ADH1C: variants seen among roughly 807,000 people sequenced by gnomAD.
ADH1C encodes alcohol dehydrogenase 1C (class I), gamma polypeptide.
ADH1C carries 26 observed loss-of-function variants against 35.0 expected under a neutral mutation model. The ratio of observed to expected loss-of-function variants is 0.74; its 90% CI spans 0.54 to 1.03. ADH1C has a LOEUF of 1.03. ADH1C is among the 50% of genes least tolerant of loss of function. ADH1C has a pLI of 0.00. For missense variants in ADH1C, 413 were observed against 465.4 expected (o/e 0.89, Z 1.04); for synonymous variants, 170 against 169.3 (o/e 1.00, Z -0.03).
intron 7 of ADH1C, among the ~76,000 whole-genome samples, chr4:99,340,094 T>A (rs988837780): frequency 6.6e-6 from 1 of 152,154 alleles, no homozygotes; most frequent in South Asian, 2.1e-4. Flanking sequence ...GAGATGAAAG[T>A]CCTGGTTAAT....
intron 1 of ADH1C, among the ~76,000 whole-genome samples, chr4:99,349,806 TG>T (rs34782639): frequency 3.7e-5 from 2 of 53,882 alleles, no homozygotes; most frequent in East Asian, 4.7e-4. Flanking sequence ...TGTGTGTTTC[TG>T]TGTGTGTGTG....
At position 99,342,759 on chromosome 4, in the gene ADH1C, A is replaced by G. The variant is rs754429169; in HGVS notation, c.828+36T>C. On this transcript the variant is annotated intron_variant, in intron 6 of 8. Coordinates refer to ENST00000515683, the MANE Select transcript of ADH1C (RefSeq NM_000669.5). ...TGCCTAAATGCATCCTCCAGGTTGC[A>G]GAGGCAGAAATTTCAGGGCATGTCA... 5 of 1,613,430 alleles carry G rather than the reference A, an allele frequency of 3.1e-6. No individual in the cohort carries two copies. In the African/African-American group the frequency reaches 4.0e-5, roughly 13 times the overall value.
At chr4:99,343,170 A>G (rs1051722654) in intron 5 of ADH1C, 115 bp from the exon 6 acceptor site, 7 of 1,432,196 alleles carry the variant, frequency 4.9e-6, no homozygotes, top group Non-Finnish European at 6.6e-6. Flanking sequence ...TCTTCTGTCC[A>G]ATCTGTTATC....
chr4:99,351,227 T>C (rs1734671390), intron 1 of ADH1C: 1 of 149,026 alleles, frequency 6.7e-6, no homozygotes. Flanking sequence ...GCAACAATAA[T>C]AACAGTGGCT....
intron 1 of ADH1C, among the ~76,000 whole-genome samples, 152 bp from the exon 2 acceptor site, chr4:99,347,998 A>G (rs1456762129): frequency 6.6e-6 from 1 of 152,220 alleles, no homozygotes; most frequent in Non-Finnish European, 1.5e-5. Flanking sequence ...TTATAAAGAG[A>G]ATAAGAGTAT....
chr4:99,336,849 G>A (rs950347877), intron 8 of ADH1C, 73 bp from the exon 9 acceptor site: 44 of 1,595,818 alleles, frequency 2.8e-5, no homozygotes, highest in Non-Finnish European at 3.6e-5. Context: ...AGTCCAAGGA[G>A]TATTTGAGGT....
chr4:99,352,437 A>G (rs36052336), intron 1 of ADH1C, among the ~76,000 whole-genome samples: 5,594 of 152,254 alleles, frequency 0.037, 150 homozygotes, highest in Non-Finnish European at 0.058. Context: ...ATTTAGGAAT[A>G]GCTTATTTCC....
rs1277464526 is a variant in ADH1C at position 99,340,721 on chromosome 4, G to A, written c.829-11C>T. ...TAACAGGGAAGCCATCTGGAATAAA[G>A]TGAACATTTAGTATCCTTAACGTGG... is the stretch of plus-strand genomic sequence containing the variant. On this transcript the variant is annotated splice_polypyrimidine_tract_variant and intron_variant, in intron 6 of 8. Coordinates refer to ENST00000515683, the MANE Select transcript of ADH1C (RefSeq NM_000669.5). 1 of 1,612,220 alleles carries A rather than the reference G, an allele frequency of 6.2e-7. No homozygotes were observed. The highest frequency in any genetic ancestry group is 1.7e-5 in the Admixed American group (1 of 59,996).
intron 5 of ADH1C, 49 bp downstream of exon 5, chr4:99,344,813 T>C (rs749020288): frequency 1.9e-6 from 3 of 1,610,174 alleles, no homozygotes; most frequent in Non-Finnish European, 2.5e-6. Context: ...CCCTTTTGGT[T>C]CCTGACAGTC....
rs182066673 is a variant in ADH1C, at chr4:99,336,562, C to T, written c.*190G>A. 1.5e-5 allele frequency: 11 copies of T among 729,540 alleles called. No individual in the cohort carries two copies. The highest frequency in any genetic ancestry group is 8.4e-5 in the Admixed American group (3 of 35,814). 45.2% of individuals were successfully genotyped at this position (729,540 alleles called of 1,614,324 possible). ...GATGTTCAACACTTTATTTAGTTCT[C>T]ATTTGGATTTTAAACATTTGCTTGA... On this transcript the variant is annotated 3_prime_UTR_variant, in exon 9 of 9. Coordinates refer to ENST00000515683, the MANE Select transcript of ADH1C (RefSeq NM_000669.5).
At chr4:99,337,114 G>A (rs961146765) in intron 8 of ADH1C, among the ~76,000 whole-genome samples, 1 of 152,124 alleles carries the variant, frequency 6.6e-6, no homozygotes, top group African/African-American at 2.4e-5. Flanking sequence ...ATAATAACAT[G>A]CAATAAGTTT....
chr4:99,344,933 G>T lies in ADH1C; in HGVS notation c.496C>A (p.Pro166Thr), dbSNP rs34195308. 6.8e-6 allele frequency: 11 copies of T among 1,614,186 alleles called. No individual in the cohort carries two copies. Among genetic ancestry groups the T allele is most frequent in the Admixed American group, 1.7e-5 (1 of 60,010 alleles). Reference sequence around the variant, plus strand: ...CCAATGAGGCAGACTTTCTCCAGGGGCGAGGCTGCATCAATTTTGGCCACT... The same window carrying T: ...CCAATGAGGCAGACTTTCTCCAGGGTCGAGGCTGCATCAATTTTGGCCACT... ...NAVAKIDAAS[P>T]LEKVCLIGCG... Residue 166 changes from proline (P) to threonine (T), a missense_variant, in exon 5 of 9, where the codon CCC becomes ACC. Pro to Thr is a conservative substitution (Grantham distance 38). Coordinates refer to ENST00000515683, the MANE Select transcript of ADH1C (RefSeq NM_000669.5).
rs764911568 is a variant in ADH1C, at chr4:99,342,935, A to C, written c.688T>G (p.Phe230Val). The change falls in exon 6 of 9, where the codon TTT (phenylalanine) becomes GTT (valine). Residue 230 changes from phenylalanine to valine, a missense_variant. Transcript: ENST00000515683. ...GCACCCAACTCTTTAGCCTTTGCAA[A>C]TTTGTCCTTGTTGATGTCCACAGCA... ...IIAVDINKDKFAKAKELGATE... is the reference protein window; with the variant it reads ...IIAVDINKDKVAKAKELGATE... 6.2e-6 allele frequency: 10 copies of C among 1,614,016 alleles called. No homozygotes were observed. The highest frequency in any genetic ancestry group is 1.7e-4 in the Middle Eastern group (1 of 6,060).
chr4:99,343,984 G>T (rs1017086291), intron 5 of ADH1C, among the ~76,000 whole-genome samples: 20 of 152,230 alleles, frequency 1.3e-4, no homozygotes, highest in African/African-American at 4.8e-4. Context: ...TCAATACTAT[G>T]GGGGACAACA....
chr4:99,339,507 A>T, intron 8 of ADH1C, 70 bp downstream of exon 8: 1 of 1,153,970 alleles, frequency 8.7e-7, no homozygotes, highest in Non-Finnish European at 1.1e-6. Context: ...TCTCTGCTAG[A>T]CAACGCCCCC....
chr4:99,345,159 A>G lies in ADH1C; in HGVS notation c.347+20T>C, dbSNP rs1336273651. ...ATGTGCAAACTCAAAGTCTGTGCAAAGAAAGCATCAGAAACTTACTCATTT... is the reference window on the plus strand; with the variant it reads ...ATGTGCAAACTCAAAGTCTGTGCAAGGAAAGCATCAGAAACTTACTCATTT... On this transcript the variant is annotated intron_variant, in intron 4 of 8. Coordinates refer to ENST00000515683, the MANE Select transcript of ADH1C (RefSeq NM_000669.5). The G allele has an allele frequency of 6.2e-7, 1 of 1,613,762 alleles. No homozygotes were observed.
At chr4:99,338,255 A>C (rs1466076058) in intron 8 of ADH1C, among the ~76,000 whole-genome samples, 1 of 150,466 alleles carries the variant, frequency 6.6e-6, no homozygotes, top group Non-Finnish European at 1.5e-5. Context: ...GAATTTAGGC[A>C]TGCTCCATGC....
At chr4:99,342,133 T>C (rs554380951) in intron 6 of ADH1C, among the ~76,000 whole-genome samples, 3 of 152,352 alleles carry the variant, frequency 2.0e-5, no homozygotes, top group South Asian at 2.1e-4. Context: ...CATTGTCTCA[T>C]GCGTTTCATA....
At chr4:99,344,633 A>C (rs1269482405) in intron 5 of ADH1C, among the ~76,000 whole-genome samples, 2 of 151,710 alleles carry the variant, frequency 1.3e-5, no homozygotes, top group Non-Finnish European at 2.9e-5. Context: ...CAAATTCAGA[A>C]GAAAAATTAT....
Sources: gnomAD v4.1 joint callset for allele counts (sites outside exome capture counted in the v4.1 genomes callset) on GRCh38, gnomAD v4.1.1 for gene constraint, MANE v1.5 for transcripts, NCBI Gene and HGNC (gene_info 2026-07-23, HGNC 2026-07-21) for gene names.